Variants in BRSK2 observed in about 807,000 individuals in gnomAD.
BRSK2 encodes the protein serine/threonine-protein kinase BRSK2.
Under a neutral mutation model 83.3 loss-of-function variants are expected in BRSK2, and 19 were observed. The ratio of observed to expected loss-of-function variants is 0.23; its 90% confidence interval spans 0.16 to 0.33. The LOEUF is 0.33. BRSK2 is among the 10% of genes least tolerant of loss of function. The pLI, the probability that BRSK2 is intolerant of heterozygous loss-of-function variation, is 1.00. For synonymous variants in BRSK2, 519 were observed against 435.4 expected (o/e 1.19, Z -2.39); for missense variants, 798 against 1,042.3 (o/e 0.77, Z 3.23).
At chr11:1,446,046 A>AGCTGGGCTGG (rs55914513) in intron 12 of BRSK2, 139 bp downstream of exon 12, 7 of 940,672 alleles carry the variant, frequency 7.4e-6, no homozygotes, top group Admixed American at 6.7e-5. Context: ...AACTGGGCTT[A>AGCTGGGCTGG]GCTGGGCTGG....
chr11:1,411,415 A>G, intron 1 of BRSK2: 1 of 1,466,266 alleles, frequency 6.8e-7, no homozygotes, highest in Non-Finnish European at 8.9e-7. Context: ...ATGAGCCCTG[A>G]GGGCCACCCC....
intron 12 of BRSK2, chr11:1,447,998 A>G: frequency 3.3e-6 from 3 of 908,958 alleles, no homozygotes; most frequent in Admixed American, 2.2e-5. Context: ...GCCAGCCAGC[A>G]AGCCAGGCAA....
At position 1,444,285 on chromosome 11, in the gene BRSK2, C is replaced by T. The variant is rs1039000531; in HGVS notation, c.780+650C>T. 2.0e-5 allele frequency among the ~76,000 whole-genome samples: 3 copies of T among 152,270 alleles called. No individual in the cohort carries two copies. The East Asian group carries it at 5.8e-4, about 29-fold the overall frequency. ...CAAAGGTAGCCCCCAGCTGCTGGTC[C>T]TGACCTCCTCCAGGGCTGCCTGGTG... On this transcript the variant is annotated intron_variant, in intron 8 of 19. Transcript: ENST00000528841.
chr11:1,435,719 G>A (rs1850218852), intron 1 of BRSK2, among the ~76,000 whole-genome samples: 1 of 151,680 alleles, frequency 6.6e-6, no homozygotes, highest in African/African-American at 2.4e-5. Flanking sequence ...AGGGCACCCT[G>A]GCTCCCAGCT....
At chr11:1,459,052 A>T in intron 18 of BRSK2, 140 bp from the exon 19 acceptor site, 1 of 176,956 alleles carries the variant, frequency 5.7e-6, no homozygotes, top group Non-Finnish European at 9.3e-6. Context: ...TGGCCCCCCC[A>T]GTATTCCCCA....
chr11:1,443,237 G>C, intron 6 of BRSK2, 98 bp downstream of exon 6: 1 of 1,520,442 alleles, frequency 6.6e-7, no homozygotes, highest in Non-Finnish European at 8.8e-7. Context: ...GGTGCTGCTA[G>C]GCTGCCTGTC....
intron 1 of BRSK2, among the ~76,000 whole-genome samples, chr11:1,395,389 C>T (rs565115268): frequency 1.3e-5 from 2 of 152,306 alleles, no homozygotes; most frequent in Middle Eastern, 3.4e-3. Flanking sequence ...ATGTCAGTGA[C>T]TGCGCCAGGG....
chr11:1,445,963 C>G, intron 12 of BRSK2, 56 bp downstream of exon 12: 3 of 1,538,780 alleles, frequency 1.9e-6, no homozygotes, highest in Non-Finnish European at 1.7e-6. Flanking sequence ...CTGCGCGGCA[C>G]TGCCGCCTGG....
chr11:1,444,281 G>A (rs943657263), intron 8 of BRSK2, among the ~76,000 whole-genome samples: 2 of 152,134 alleles, frequency 1.3e-5, no homozygotes, highest in Non-Finnish European at 2.9e-5. Context: ...CCCAGCTGCT[G>A]GTCCTGACCT....
intron 1 of BRSK2, among the ~76,000 whole-genome samples, chr11:1,401,564 T>G (rs7103987): frequency 6.6e-6 from 1 of 152,054 alleles, no homozygotes. Context: ...CAGGCTGCAC[T>G]GAGCCCCTTC....
In BRSK2 at chr11:1,445,813, C is replaced by T; in HGVS notation, c.1132C>T (p.Pro378Ser). The T allele has an allele frequency of 6.2e-7, 1 of 1,612,502 alleles. No homozygotes were observed. Among genetic ancestry groups the T allele is most frequent in the Non-Finnish European group, 8.5e-7 (1 of 1,179,732 alleles). ...PMLNRHGKRR[P>S]ERKSMEVLSV... Reference sequence around the variant, plus strand: ...GCTGAACCGGCACGGCAAGCGGCGGCCAGAACGCAAATCCATGGAGGTGCT... The same window carrying T: ...GCTGAACCGGCACGGCAAGCGGCGGTCAGAACGCAAATCCATGGAGGTGCT... The change falls in exon 12 of 20, where the codon CCA (proline) becomes TCA (serine). Residue 378 changes from proline to serine, a missense_variant. By Grantham distance (74) the Pro-to-Ser change is moderately conservative. This residue lies in a region of BRSK2 where 51 missense variants were observed against 52.6 expected (regional missense o/e 0.97). Coordinates refer to ENST00000528841, the MANE Select transcript of BRSK2 (RefSeq NM_001256627.2).
intron 1 of BRSK2, chr11:1,411,740 G>A (rs1847528054): frequency 6.8e-7 from 1 of 1,463,478 alleles, no homozygotes; most frequent in Admixed American, 2.1e-5. Flanking sequence ...GCCAGCACTG[G>A]TGGGCTGCAC....
chr11:1,409,741 CGT>C (rs1225864196), intron 1 of BRSK2: 2 of 151,944 alleles, frequency 1.3e-5, no homozygotes, highest in African/African-American at 4.8e-5. Context: ...CTGGCTGTCA[CGT>C]GTCAGTCGTG....
At chr11:1,395,492 C>G (rs1286843586) in intron 1 of BRSK2, among the ~76,000 whole-genome samples, 2 of 152,214 alleles carry the variant, frequency 1.3e-5, no homozygotes, top group Non-Finnish European at 2.9e-5. Context: ...CCTTGAGTGT[C>G]CCTGTCAGGG....
At chr11:1,452,700 C>T (rs550241503) in intron 15 of BRSK2, among the ~76,000 whole-genome samples, 125 of 151,890 alleles carry the variant, frequency 8.2e-4, no homozygotes, top group African/African-American at 2.8e-3. Context: ...CAGATGCCTG[C>T]GACAGCCGTT....
chr11:1,433,619 C>T (rs1279791566), intron 1 of BRSK2, among the ~76,000 whole-genome samples: 1 of 152,256 alleles, frequency 6.6e-6, no homozygotes, highest in Non-Finnish European at 1.5e-5. Context: ...TGCAGGGACC[C>T]CTGCCCCGGG....
chr11:1,397,065 C>T (rs536069686), intron 1 of BRSK2, among the ~76,000 whole-genome samples: 1 of 152,368 alleles, frequency 6.6e-6, no homozygotes, highest in East Asian at 1.9e-4. Context: ...CTGTGCTGCC[C>T]TGTGCTCTGC....
chr11:1,440,861 A>C lies in BRSK2; in HGVS notation c.346A>C (p.Lys116Gln). Reference sequence around the variant, plus strand: ...GGTGAAGAAGGGGAGGCTGACGCCTAAGGAGGCTCGGAAGTTCTTCCGGCA... The same window carrying C: ...GGTGAAGAAGGGGAGGCTGACGCCTCAGGAGGCTCGGAAGTTCTTCCGGCA... ...YLVKKGRLTP[K>Q]EARKFFRQII... Residue 116 changes from lysine (K) to glutamine (Q), a missense_variant, in exon 4 of 20, where the codon AAG becomes CAG. Coordinates refer to ENST00000528841, the MANE Select transcript of BRSK2 (RefSeq NM_001256627.2). 1 of 1,608,238 alleles carries C rather than the reference A, an allele frequency of 6.2e-7. No homozygotes were observed. Among genetic ancestry groups the C allele is most frequent in the Non-Finnish European group, 8.5e-7 (1 of 1,177,592 alleles).
chr11:1,448,220 C>T (rs1023062706), intron 12 of BRSK2, among the ~76,000 whole-genome samples: 3 of 152,156 alleles, frequency 2.0e-5, no homozygotes, highest in Non-Finnish European at 4.4e-5. Context: ...GAGTTGAAGC[C>T]GAGCAGCCGT....
Sources: allele counts gnomAD v4.1 joint callset (sites outside exome capture counted in the v4.1 genomes callset), GRCh38; gene constraint gnomAD v4.1.1; regional missense constraint gnomAD v4.1.1; transcripts MANE v1.5; gene names NCBI Gene and HGNC (gene_info 2026-07-23, HGNC 2026-07-21).